Variants in SLC25A48 observed in about 807,000 individuals in gnomAD.
SLC25A48 encodes solute carrier family 25 member 48.
A neutral mutation model predicts 32.2 loss-of-function variants in SLC25A48; 29 were observed. That is an observed-to-expected ratio of 0.90 (90% CI 0.67 to 1.23). The LOEUF (loss-of-function observed/expected upper bound fraction) is 1.23, where lower values mean the gene tolerates loss of function less well. Among genes scored for constraint, SLC25A48 ranks in the 50% most tolerant of loss-of-function variants. SLC25A48 has a pLI of 0.00. For missense variants in SLC25A48, 399 were observed against 422.7 expected, an observed-to-expected ratio of 0.94 and a Z score of 0.49; for synonymous variants, 164 against 172.3, an observed-to-expected ratio of 0.95 and a Z score of 0.38.
intron 1 of SLC25A48, among the ~76,000 whole-genome samples, chr5:135,604,603 G>T (rs1275226038): frequency 6.6e-6 from 1 of 152,182 alleles, no homozygotes; most frequent in African/African-American, 2.4e-5. Context: ...CCCCAACCTT[G>T]TAGTTAACAG....
chr5:135,756,658 T>C (rs907842737), intron 3 of SLC25A48, among the ~76,000 whole-genome samples: 7 of 151,668 alleles, frequency 4.6e-5, no homozygotes, highest in Non-Finnish European at 1.0e-4. Context: ...GCAAAAAGAG[T>C]GGAACTCCGT....
At chr5:135,829,571 G>GT (rs1165757670) in intron 4 of SLC25A48, among the ~76,000 whole-genome samples, 1 of 151,922 alleles carries the variant, frequency 6.6e-6, no homozygotes, top group East Asian at 1.9e-4. Flanking sequence ...GGGAAGGGAT[G>GT]TTTTCCCCCT....
At chr5:135,797,195 G>A (rs934584018) in intron 3 of SLC25A48, among the ~76,000 whole-genome samples, 2 of 151,910 alleles carry the variant, frequency 1.3e-5, no homozygotes, top group African/African-American at 4.8e-5. Flanking sequence ...CAATATCGCA[G>A]TGGGTGTACA....
chr5:135,789,199 CT>C (rs545500880), intron 3 of SLC25A48, among the ~76,000 whole-genome samples: 4,463 of 34,416 alleles, frequency 0.13, 138 homozygotes, highest in Non-Finnish European at 0.26. Flanking sequence ...GGTGTACACC[CT>C]CCCCCGCCAC....
At chr5:135,749,575 T>C (rs1755721413) in intron 3 of SLC25A48, among the ~76,000 whole-genome samples, 1 of 152,074 alleles carries the variant, frequency 6.6e-6, no homozygotes, top group Admixed American at 6.5e-5. Context: ...TCTTTTTTTA[T>C]TGTTATTTTT....
chr5:135,605,346 T>C (rs1337585093), intron 1 of SLC25A48, among the ~76,000 whole-genome samples: 2 of 152,242 alleles, frequency 1.3e-5, no homozygotes, highest in Non-Finnish European at 1.5e-5. Flanking sequence ...AGGTCTCGTC[T>C]GGAAACATCC....
At chr5:135,756,214 A>C (rs1189498188) in intron 3 of SLC25A48, among the ~76,000 whole-genome samples, 1 of 152,112 alleles carries the variant, frequency 6.6e-6, no homozygotes, top group Non-Finnish European at 1.5e-5. Flanking sequence ...TTAACACAAA[A>C]TGATATCTAT....
intron 3 of SLC25A48, among the ~76,000 whole-genome samples, chr5:135,683,598 G>C (rs1054771449): frequency 6.6e-5 from 10 of 152,182 alleles, no homozygotes; most frequent in Admixed American, 4.6e-4. Flanking sequence ...CTGACTAGCT[G>C]GGTGGTCAGC....
At chr5:135,663,915 G>A (rs1427040755) in intron 3 of SLC25A48, among the ~76,000 whole-genome samples, 1 of 152,154 alleles carries the variant, frequency 6.6e-6, no homozygotes, top group Non-Finnish European at 1.5e-5. Flanking sequence ...GCCCGTACAT[G>A]AGCCACCTGC....
intron 3 of SLC25A48, among the ~76,000 whole-genome samples, chr5:135,697,930 C>T (rs954988275): frequency 6.6e-6 from 1 of 152,252 alleles, no homozygotes; most frequent in African/African-American, 2.4e-5. Context: ...CCCATCCCCT[C>T]ACGGCTTCCC....
intron 1 of SLC25A48, among the ~76,000 whole-genome samples, chr5:135,607,912 G>A (rs1359036246): frequency 2.0e-5 from 3 of 152,184 alleles, no homozygotes; most frequent in African/African-American, 7.2e-5. Context: ...ACTTCTGTGG[G>A]ATCTGAGGCA....
At chr5:135,686,026 T>C (rs772614682) in intron 3 of SLC25A48, among the ~76,000 whole-genome samples, 10 of 152,192 alleles carry the variant, frequency 6.6e-5, no homozygotes, top group Non-Finnish European at 8.8e-5. Context: ...GTGACTTGGT[T>C]CATATGAGGC....
At chr5:135,799,558 A>G (rs1177302986) in intron 3 of SLC25A48, among the ~76,000 whole-genome samples, 1 of 151,264 alleles carries the variant, frequency 6.6e-6, no homozygotes, top group Admixed American at 6.6e-5. Context: ...CCCCTGTTGT[A>G]TTATTCCTAA....
chr5:135,785,178 A>G (rs960810899), intron 3 of SLC25A48, among the ~76,000 whole-genome samples: 4 of 152,176 alleles, frequency 2.6e-5, no homozygotes, highest in African/African-American at 7.2e-5. Context: ...AAGGGAGATA[A>G]TATCATTGCC....
chr5:135,623,841 A>C (rs1488521762), intron 1 of SLC25A48, among the ~76,000 whole-genome samples: 1 of 152,168 alleles, frequency 6.6e-6, no homozygotes, highest in East Asian at 1.9e-4. Flanking sequence ...CCTGTGCAGC[A>C]AGACTTCTGA....
chr5:135,674,138 C>T (rs1189033373), intron 3 of SLC25A48, among the ~76,000 whole-genome samples: 3 of 151,926 alleles, frequency 2.0e-5, no homozygotes, highest in Non-Finnish European at 4.4e-5. Context: ...ATTTTAAAAA[C>T]ATTTTAATTG....
chr5:135,748,716 A>T (rs770075099), intron 3 of SLC25A48, among the ~76,000 whole-genome samples: 2 of 144,522 alleles, frequency 1.4e-5, no homozygotes, highest in African/African-American at 5.1e-5. Context: ...GGCTTGAGAC[A>T]GGTAAATTTT....
intron 5 of SLC25A48, chr5:135,872,825 G>C (rs72791391): frequency 4.1e-3 from 628 of 152,628 alleles, no homozygotes; most frequent in Non-Finnish European, 6.5e-3. Context: ...ATCACAGTTT[G>C]CCATGCTGTC....
At chr5:135,602,271 A>T (rs1751814425) in intron 1 of SLC25A48, among the ~76,000 whole-genome samples, 2 of 152,242 alleles carry the variant, frequency 1.3e-5, no homozygotes, top group African/African-American at 4.8e-5. Context: ...GTGTTCACCA[A>T]TGTACTTTCC....
Sources: allele counts gnomAD v4.1 joint callset (sites outside exome capture counted in the v4.1 genomes callset), GRCh38; gene constraint gnomAD v4.1.1; transcripts MANE v1.5; gene names NCBI Gene and HGNC (gene_info 2026-07-23, HGNC 2026-07-21).